RAPGEF2: variants seen among roughly 807,000 people sequenced by gnomAD.
RAPGEF2 encodes the protein PDZ domain containing guanine nucleotide exchange factor (GEF) 1.
RAPGEF2 carries 54 observed loss-of-function variants against 186.7 expected under a neutral mutation model. The observed-to-expected ratio is 0.29, with a 90% CI of 0.23 to 0.36. The LOEUF (loss-of-function observed/expected upper bound fraction) is 0.36. RAPGEF2 is among the 10% of genes least tolerant of loss of function. RAPGEF2 has a pLI of 1.00. For missense variants in RAPGEF2, 1,532 were observed against 2,045.0 expected (o/e 0.75, Z 4.84); for synonymous variants, 712 against 705.9 (o/e 1.01, Z -0.14).
intron 11 of RAPGEF2, among the ~76,000 whole-genome samples, chr4:159,325,297 A>T (rs969698382): frequency 1.3e-5 from 2 of 152,196 alleles, no homozygotes; most frequent in African/African-American, 4.8e-5. Context: ...AAATGGTATA[A>T]GAGAGGAAAA....
At chr4:159,181,575 C>CTTTTTTTTT (rs531646826) in intron 1 of RAPGEF2, among the ~76,000 whole-genome samples, 1 of 121,386 alleles carries the variant, frequency 8.2e-6, no homozygotes, top group Non-Finnish European at 1.7e-5. Context: ...GGAAGACAGT[C>CTTTTTTTTT]TTTTTTTTTT....
rs1414886834 is a variant in RAPGEF2, at chr4:159,104,520, G to C, written c.69+289G>C. ...AGAGAGAGAGAGAGAGAGAGAGAGA[G>C]AGAGAGGGAGAGACAGAGAGAGAGA... On this transcript the variant is annotated intron_variant, in intron 1 of 29. Transcript: ENST00000691494. 8.0e-4 allele frequency among the ~76,000 whole-genome samples: 102 copies of C among 127,888 alleles called. 3 individuals carry two copies. Among genetic ancestry groups the C allele is most frequent in the Admixed American group, 1.9e-3 (25 of 12,956 alleles). The allele number at this position is 127,888 out of a possible 152,430, so 83.9% of individuals were successfully genotyped here.
intron 9 of RAPGEF2, among the ~76,000 whole-genome samples, chr4:159,318,976 C>A (rs1764927001): frequency 6.6e-6 from 1 of 152,074 alleles, no homozygotes; most frequent in African/African-American, 2.4e-5. Context: ...GTGTATAATT[C>A]TATAGATTGT....
rs370477370 is a variant in RAPGEF2 at position 159,240,331 on chromosome 4, C to CTTTTTTTTT, written c.358-859_358-851dup. On this transcript the variant is annotated intron_variant, in intron 5 of 29. Transcript: ENST00000691494. ...CCCTGTTCATTCATCAGCATTTCTA[C>CTTTTTTTTT]TTTTTTTTTTTTTTTTTTTGGAGAC... is the stretch of plus-strand genomic sequence containing the variant. Among the ~76,000 whole-genome samples the CTTTTTTTTT allele has an allele frequency of 2.1e-3, 160 of 77,582 alleles. 6 individuals carry two copies. The highest frequency in any genetic ancestry group is 4.4e-3 in the African/African-American group (82 of 18,620). The allele number at this position is 77,582 out of a possible 152,430, so 50.9% of individuals were successfully genotyped here.
intron 1 of RAPGEF2, among the ~76,000 whole-genome samples, chr4:159,132,332 G>A (rs1436380443): frequency 1.3e-5 from 2 of 152,170 alleles, no homozygotes; most frequent in African/African-American, 2.4e-5. Context: ...AAGTTCTTCC[G>A]AAATTCTAAA....
chr4:159,148,057 T>G (rs896318953), intron 1 of RAPGEF2, among the ~76,000 whole-genome samples: 1 of 152,188 alleles, frequency 6.6e-6, no homozygotes, highest in Non-Finnish European at 1.5e-5. Flanking sequence ...ATGAACTTTT[T>G]TAAAGCTAAG....
chr4:159,156,563 C>A (rs961707796), intron 1 of RAPGEF2, among the ~76,000 whole-genome samples: 1 of 151,766 alleles, frequency 6.6e-6, no homozygotes, highest in African/African-American at 2.4e-5. Context: ...ATACATGTGC[C>A]CATTTTGGTT....
chr4:159,305,730 C>T (rs1266018383), intron 8 of RAPGEF2, among the ~76,000 whole-genome samples: 1 of 152,088 alleles, frequency 6.6e-6, no homozygotes, highest in Non-Finnish European at 1.5e-5. Context: ...AGGTCTTACT[C>T]CTGAATTATT....
At chr4:159,216,520 C>G (rs1433031660) in intron 4 of RAPGEF2, among the ~76,000 whole-genome samples, 1 of 151,276 alleles carries the variant, frequency 6.6e-6, no homozygotes, top group Non-Finnish European at 1.5e-5. Context: ...TCAGCGAGGA[C>G]AATTCAAACA....
At chr4:159,271,568 A>G (rs1013394911) in intron 7 of RAPGEF2, among the ~76,000 whole-genome samples, 14 of 152,184 alleles carry the variant, frequency 9.2e-5, no homozygotes, top group African/African-American at 3.1e-4. Flanking sequence ...TTTCAGGGAC[A>G]TATTACTAGT....
chr4:159,153,586 T>A (rs116136525), intron 1 of RAPGEF2, among the ~76,000 whole-genome samples: 136 of 152,336 alleles, frequency 8.9e-4, no homozygotes, highest in Non-Finnish European at 1.4e-3. Flanking sequence ...CTGAACACTG[T>A]GAGAGTCTCT....
At chr4:159,256,275 C>T (rs546964570) in intron 7 of RAPGEF2, among the ~76,000 whole-genome samples, 2 of 152,130 alleles carry the variant, frequency 1.3e-5, no homozygotes, top group Non-Finnish European at 2.9e-5. Flanking sequence ...CCTGTGTTCC[C>T]TCTTAAAAGT....
chr4:159,258,400 T>C (rs1265870327), intron 7 of RAPGEF2, among the ~76,000 whole-genome samples: 1 of 152,234 alleles, frequency 6.6e-6, no homozygotes, highest in Non-Finnish European at 1.5e-5. Flanking sequence ...TATATTGAGA[T>C]GGTCTTCTAT....
intron 1 of RAPGEF2, among the ~76,000 whole-genome samples, chr4:159,135,655 A>G (rs996417046): frequency 6.6e-6 from 1 of 152,046 alleles, no homozygotes; most frequent in African/African-American, 2.4e-5. Flanking sequence ...GCTAGAGTGC[A>G]ATGGCATGAT....
rs1434169565 is a variant in RAPGEF2 at position 159,103,869 on chromosome 4, A to G, written c.-294A>G. 11 of 153,962 alleles carry G rather than the reference A, an allele frequency of 7.1e-5. No homozygotes were observed. The highest frequency in any genetic ancestry group is 1.3e-4 in the Non-Finnish European group (9 of 69,924). 9.5% of individuals were successfully genotyped at this position (153,962 alleles called of 1,614,324 possible). ...GAGGAAGCCGGCGGAGCGGCGAGGA[A>G]GAGGAGGAGGAGGAGGAAGGGGAGT... is the stretch of plus-strand genomic sequence containing the variant. On this transcript the variant is annotated 5_prime_UTR_variant, in exon 1 of 30. Coordinates refer to ENST00000691494, the MANE Select transcript of RAPGEF2 (RefSeq NM_001394067.2).
At chr4:159,330,265 A>ATGTATATG (rs1554038042) in intron 12 of RAPGEF2, 69 bp from the exon 13 acceptor site, 3 of 535,278 alleles carry the variant, frequency 5.6e-6, no homozygotes, top group East Asian at 2.9e-5. Context: ...GTATATGTAT[A>ATGTATATG]TGTGTGTGTG....
In RAPGEF2 at chr4:159,112,856, A is replaced by G. The variant is rs1738643854; in HGVS notation, c.69+8625A>G. On this transcript the variant is annotated intron_variant, in intron 1 of 29. Coordinates refer to ENST00000691494, the MANE Select transcript of RAPGEF2 (RefSeq NM_001394067.2). The stretch of plus-strand genomic sequence containing the variant: ...CCCCCACAAAATTAATTAACTATAA[A>G]GGAAAAAATCAATACTTAATAGTGA... Among the ~76,000 whole-genome samples the G allele has an allele frequency of 2.6e-5, 4 of 152,214 alleles. No individual in the cohort carries two copies. The South Asian group carries it at 6.2e-4, about 24-fold the overall frequency.
intron 1 of RAPGEF2, among the ~76,000 whole-genome samples, chr4:159,170,081 CTTT>C (rs36018963): frequency 1.4e-5 from 2 of 146,126 alleles, no homozygotes; most frequent in Non-Finnish European, 3.0e-5. Context: ...ATGCTCATCT[CTTT>C]TTTTTTTTTT....
intron 1 of RAPGEF2, among the ~76,000 whole-genome samples, chr4:159,174,781 G>C (rs1235519308): frequency 6.7e-6 from 1 of 148,150 alleles, no homozygotes; most frequent in Admixed American, 6.7e-5. Flanking sequence ...TTTTGAGATA[G>C]GGTCTTGCTC....
Sources: allele counts gnomAD v4.1 joint callset (sites outside exome capture counted in the v4.1 genomes callset), GRCh38; gene constraint gnomAD v4.1.1; transcripts MANE v1.5; gene names NCBI Gene and HGNC (gene_info 2026-07-23, HGNC 2026-07-21).